The following SRGAP1 variants were observed in gnomAD, a reference collection of about 807,000 sequenced individuals.
The protein encoded by SRGAP1 is SLIT-ROBO Rho GTPase activating protein 1, also known as SLIT-ROBO Rho GTPase-activating protein 1.
A neutral mutation model predicts 121.9 loss-of-function variants in SRGAP1; 43 were observed. The ratio of observed to expected loss-of-function variants is 0.35; its 90% CI spans 0.28 to 0.46. The LOEUF is 0.46. Among genes scored for constraint, SRGAP1 ranks in the 20% least tolerant of loss-of-function variants. The pLI is 1.00. For synonymous variants in SRGAP1, 447 were observed against 485.4 expected, an observed-to-expected ratio of 0.92 and a Z score of 1.04; for missense variants, 1,102 against 1,350.9, an observed-to-expected ratio of 0.82 and a Z score of 2.89.
intron 4 of SRGAP1, among the ~76,000 whole-genome samples, chr12:64,034,692 A>G (rs1276329643): frequency 1.3e-5 from 2 of 152,142 alleles, no homozygotes; most frequent in African/African-American, 4.8e-5. Context: ...GGCAGTGAGT[A>G]ATATTGTAAT....
intron 12 of SRGAP1, among the ~76,000 whole-genome samples, chr12:64,094,198 C>G (rs775943635): frequency 5.9e-5 from 9 of 152,090 alleles, no homozygotes; most frequent in Non-Finnish European, 1.0e-4. Context: ...TAACTGTGGC[C>G]TCAGCAGCCC....
At chr12:64,075,050 C>T (rs1003468961) in intron 8 of SRGAP1, among the ~76,000 whole-genome samples, 15 of 151,982 alleles carry the variant, frequency 9.9e-5, no homozygotes, top group Admixed American at 1.3e-4. Flanking sequence ...AACCCAGCGG[C>T]GCTAGAGAAA....
chr12:63,972,281 C>A (rs2032972213), intron 1 of SRGAP1, among the ~76,000 whole-genome samples: 1 of 152,134 alleles, frequency 6.6e-6, no homozygotes, highest in Admixed American at 6.5e-5. Context: ...AAGGTATTCT[C>A]TTGTGGTAGA....
At position 64,062,941 on chromosome 12, in the gene SRGAP1, A is replaced by G; in HGVS notation, c.826A>G (p.Ser276Gly). 6.2e-7 allele frequency: 1 copy of G among 1,613,916 alleles called. No homozygotes were observed. The highest frequency in any genetic ancestry group is 8.5e-7 in the Non-Finnish European group (1 of 1,179,918). ...IDCCDLGYHA[S>G]LNRALRTYLS... ...GTGCTGTGATCTTGGCTACCATGCA[A>G]GTCTGAACAGAGCCCTAAGAACATA... Residue 276 changes from serine (S) to glycine (G), a missense_variant, in exon 7 of 22, where the codon AGT becomes GGT. This residue lies in a region of SRGAP1 where 747 missense variants were observed against 929.4 expected (regional missense o/e 0.80). Transcript: ENST00000355086.
At chr12:63,873,265 TCA>T (rs1213188067) in intron 1 of SRGAP1, among the ~76,000 whole-genome samples, 4 of 151,968 alleles carry the variant, frequency 2.6e-5, no homozygotes, top group Admixed American at 6.6e-5. Flanking sequence ...GCGCGGTAGC[TCA>T]CACCTGTAAT....
intron 6 of SRGAP1, among the ~76,000 whole-genome samples, chr12:64,058,823 AAAAAG>A (rs1401957514): frequency 6.6e-6 from 1 of 152,152 alleles, no homozygotes; most frequent in Non-Finnish European, 1.5e-5. Flanking sequence ...TAGAAAAAAA[AAAAAG>A]ATTCAGTGAC....
chr12:64,048,640 T>C (rs1396300650), intron 6 of SRGAP1, among the ~76,000 whole-genome samples: 1 of 152,198 alleles, frequency 6.6e-6, no homozygotes, highest in Non-Finnish European at 1.5e-5. Flanking sequence ...AAGTTCCCTT[T>C]CCTCCACATC....
chr12:64,115,105 C>T (rs2036496651), intron 17 of SRGAP1, among the ~76,000 whole-genome samples: 1 of 152,118 alleles, frequency 6.6e-6, no homozygotes, highest in South Asian at 2.1e-4. Flanking sequence ...AAAGATGCCA[C>T]AAGCAGTTCA....
chr12:63,999,302 C>G (rs1194358864), intron 3 of SRGAP1, among the ~76,000 whole-genome samples: 1 of 152,120 alleles, frequency 6.6e-6, no homozygotes, highest in Non-Finnish European at 1.5e-5. Context: ...TCAAATTTAT[C>G]CTAAGAGCAG....
At chr12:64,019,989 T>C (rs532252491) in intron 4 of SRGAP1, among the ~76,000 whole-genome samples, 5 of 152,322 alleles carry the variant, frequency 3.3e-5, no homozygotes, top group Admixed American at 1.3e-4. Context: ...GAGTTGAAAG[T>C]GAGCAGTTGA....
intron 1 of SRGAP1, among the ~76,000 whole-genome samples, chr12:63,886,003 G>T (rs12427337): frequency 0.01 from 1,567 of 152,290 alleles, 18 homozygotes; most frequent in Admixed American, 0.028. Flanking sequence ...AAATCTGTCT[G>T]GCTCATTGGA....
chr12:64,080,536 G>T (rs1313134849), intron 10 of SRGAP1, 166 bp downstream of exon 10: 1 of 713,502 alleles, frequency 1.4e-6, no homozygotes, highest in African/African-American at 1.7e-5. Context: ...CTCCTGGCAC[G>T]ATTTTCTTCT....
rs77165327 is a variant in SRGAP1, at chr12:64,091,196, G to A, written c.1437-80G>A. On this transcript the variant is annotated intron_variant, in intron 11 of 21. Transcript: ENST00000355086. ...AAGGAACCCAAGATTCCCGTGTTTT[G>A]TAATATTGATGTGACCTATAGATGT... 1.9e-3 allele frequency: 1,838 copies of A among 977,414 alleles called. 16 individuals carry two copies. The African/African-American group carries it at 0.027, about 15-fold the overall frequency. The allele number at this position is 977,414 out of a possible 1,614,324, so 60.5% of individuals were successfully genotyped here.
rs531937328 is a variant in SRGAP1 at position 64,117,049 on chromosome 12, G to A, written c.2224+1156G>A. On this transcript the variant is annotated intron_variant, in intron 18 of 21. Coordinates refer to ENST00000355086, the MANE Select transcript of SRGAP1 (RefSeq NM_020762.4). ...GGTACCTACCTGGCCCTGGGGTGCC[G>A]AGAATAGGGCAGCAGTGGCCTGGAG... is the stretch of plus-strand genomic sequence containing the variant. Among the ~76,000 whole-genome samples, 8 of 152,300 alleles carry A rather than the reference G, an allele frequency of 5.3e-5. No individual in the cohort carries two copies. The East Asian group carries it at 7.7e-4, about 15-fold the overall frequency.
At chr12:64,114,417 G>A (rs1308749984) in intron 17 of SRGAP1, among the ~76,000 whole-genome samples, 1 of 128,830 alleles carries the variant, frequency 7.8e-6, no homozygotes, top group Admixed American at 9.9e-5. Flanking sequence ...TTGACTCACT[G>A]TATTCCCACT....
intron 6 of SRGAP1, among the ~76,000 whole-genome samples, chr12:64,053,882 G>A (rs1386458624): frequency 6.6e-6 from 1 of 152,140 alleles, no homozygotes; most frequent in Non-Finnish European, 1.5e-5. Flanking sequence ...ATTATGATTT[G>A]CTAAGAGAAA....
At chr12:64,016,919 T>A (rs1372964696) in intron 3 of SRGAP1, 31 bp from the exon 4 acceptor site, 2 of 1,246,406 alleles carry the variant, frequency 1.6e-6, no homozygotes, top group Admixed American at 2.0e-5. Flanking sequence ...TAAATAATTT[T>A]AAAATATTCT....
At position 63,862,205 on chromosome 12, in the gene SRGAP1, A is replaced by G. The variant is rs550655262; in HGVS notation, c.67+17322A>G. On this transcript the variant is annotated intron_variant, in intron 1 of 21. Transcript: ENST00000355086. ...ACATTTTTAGAACTTAATTCTTTAC[A>G]TATCAAAACTAGTGAGATGCAGCAA... 1.8e-4 allele frequency among the ~76,000 whole-genome samples: 27 copies of G among 152,362 alleles called. No homozygotes were observed. In the South Asian group the frequency reaches 4.6e-3, roughly 26 times the overall value.
chr12:63,951,569 A>G (rs989787791), intron 1 of SRGAP1, among the ~76,000 whole-genome samples: 1 of 152,154 alleles, frequency 6.6e-6, no homozygotes, highest in African/African-American at 2.4e-5. Flanking sequence ...ACTCTATCAA[A>G]ATTTGTACAG....
Sources: gnomAD v4.1 joint callset for allele counts (sites outside exome capture counted in the v4.1 genomes callset) on GRCh38, gnomAD v4.1.1 for gene constraint, gnomAD v4.1.1 regional missense constraint, MANE v1.5 for transcripts, NCBI Gene and HGNC (gene_info 2026-07-23, HGNC 2026-07-21) for gene names.